The following MYO16 variants were observed in gnomAD, a reference collection of about 807,000 sequenced individuals.
MYO16 encodes unconventional myosin-XVI.
A neutral mutation model predicts 205.3 loss-of-function variants in MYO16; 94 were observed. The ratio of observed to expected loss-of-function variants is 0.46; its 90% CI spans 0.39 to 0.54. The LOEUF (loss-of-function observed/expected upper bound fraction) is 0.54, where lower values mean the gene tolerates loss of function less well. Among genes scored for constraint, MYO16 ranks in the 20% least tolerant of loss-of-function variants. The pLI is 0.00. For synonymous variants in MYO16, 988 were observed against 954.0 expected, an observed-to-expected ratio of 1.04 and a Z score of -0.66; for missense variants, 2,315 against 2,387.5, an observed-to-expected ratio of 0.97 and a Z score of 0.63.
At chr13:108,541,442 C>A in the MYO16 span, among the ~76,000 whole-genome samples, 1 of 151,010 alleles carries the variant, frequency 6.6e-6, no homozygotes, top group Non-Finnish European at 1.5e-5. Flanking sequence ...TCACAATATT[C>A]TATAAGAAAT....
intron 1 of MYO16, among the ~76,000 whole-genome samples, chr13:108,623,766 G>A (rs1879626159): frequency 6.6e-6 from 1 of 152,086 alleles, no homozygotes; most frequent in Non-Finnish European, 1.5e-5. Context: ...GACTTCATAG[G>A]AAATAGGAAA....
chr13:108,809,218 C>G (rs964976920), intron 7 of MYO16, among the ~76,000 whole-genome samples: 2 of 152,152 alleles, frequency 1.3e-5, no homozygotes. Flanking sequence ...AAACACTTCC[C>G]AACTACTTCA....
chr13:108,513,163 G>T, the MYO16 span, among the ~76,000 whole-genome samples: 1 of 107,076 alleles, frequency 9.3e-6, no homozygotes, highest in Admixed American at 9.2e-5. Context: ...CCTGTTATTG[G>T]TCTATTCAGA....
intron 1 of MYO16, among the ~76,000 whole-genome samples, chr13:108,654,069 A>C (rs1240279383): frequency 6.6e-6 from 1 of 151,908 alleles, no homozygotes; most frequent in African/African-American, 2.4e-5. Flanking sequence ...ATCCTTGTGT[A>C]GGTCTCTCAG....
chr13:109,144,386 T>C (rs1462435630), intron 32 of MYO16, among the ~76,000 whole-genome samples: 1 of 152,184 alleles, frequency 6.6e-6, no homozygotes, highest in Admixed American at 6.5e-5. Context: ...TTCTCATGGA[T>C]AGTTCAGGCC....
intron 20 of MYO16, among the ~76,000 whole-genome samples, chr13:108,991,374 A>G (rs1477761293): frequency 1.3e-5 from 2 of 152,208 alleles, no homozygotes; most frequent in Non-Finnish European, 2.9e-5. Flanking sequence ...TTCACATTGA[A>G]AAAAAAGATT....
At chr13:109,059,468 G>T (rs1278335172) in intron 27 of MYO16, among the ~76,000 whole-genome samples, 2 of 152,162 alleles carry the variant, frequency 1.3e-5, no homozygotes, top group African/African-American at 4.8e-5. Context: ...TTTCTGAGCA[G>T]TAGTTCTCAA....
chr13:108,714,625 G>T (rs9520979), intron 3 of MYO16, among the ~76,000 whole-genome samples: 1,869 of 135,294 alleles, frequency 0.014, 27 homozygotes, highest in African/African-American at 0.041. Flanking sequence ...TATATATAGA[G>T]AGAGAGAGAT....
chr13:108,809,792 G>A (rs1408867360), intron 7 of MYO16, among the ~76,000 whole-genome samples: 1 of 152,140 alleles, frequency 6.6e-6, no homozygotes, highest in Non-Finnish European at 1.5e-5. Flanking sequence ...GGCCTCCATG[G>A]CCTTCTCACT....
chr13:108,877,200 C>T (rs7335900), intron 12 of MYO16, among the ~76,000 whole-genome samples: 6 of 152,050 alleles, frequency 3.9e-5, no homozygotes, highest in Non-Finnish European at 8.8e-5. Flanking sequence ...TCTTTTTGCT[C>T]ATGTTTGAGA....
the MYO16 span, among the ~76,000 whole-genome samples, chr13:108,529,938 A>C: frequency 5.9e-5 from 9 of 152,178 alleles, no homozygotes; most frequent in African/African-American, 2.2e-4. Context: ...TGATTGAAGA[A>C]TATTTATTTG....
chr13:108,900,962 G>A (rs1416515074), intron 15 of MYO16, among the ~76,000 whole-genome samples: 2 of 152,128 alleles, frequency 1.3e-5, no homozygotes, highest in African/African-American at 4.8e-5. Context: ...CTCTGAAATG[G>A]CCGCTTTGGG....
At chr13:108,664,665 A>G (rs1258009315) in intron 1 of MYO16, among the ~76,000 whole-genome samples, 2 of 152,224 alleles carry the variant, frequency 1.3e-5, no homozygotes, top group Non-Finnish European at 2.9e-5. Context: ...GAGACCTGAT[A>G]TCATAAATAG....
chr13:108,854,712 G>A (rs1308205243), intron 10 of MYO16, among the ~76,000 whole-genome samples: 1 of 151,898 alleles, frequency 6.6e-6, no homozygotes, highest in African/African-American at 2.4e-5. Context: ...ACTTTTCTGA[G>A]CATGTTCTGG....
intron 1 of MYO16, among the ~76,000 whole-genome samples, chr13:108,635,369 T>C (rs929179912): frequency 1.3e-5 from 2 of 152,248 alleles, no homozygotes; most frequent in Admixed American, 1.3e-4. Flanking sequence ...TTTTAACTAG[T>C]CAAATTTCTT....
intron 2 of MYO16, among the ~76,000 whole-genome samples, chr13:108,706,122 C>A (rs984413758): frequency 6.6e-6 from 1 of 152,074 alleles, no homozygotes; most frequent in Non-Finnish European, 1.5e-5. Context: ...CGTAATAACT[C>A]CAACCAACAT....
intron 1 of MYO16, among the ~76,000 whole-genome samples, chr13:108,615,127 T>C (rs1879305304): frequency 6.6e-6 from 1 of 151,824 alleles, no homozygotes; most frequent in Non-Finnish European, 1.5e-5. Context: ...GACAACCCAA[T>C]AATAAAGGGT....
chr13:109,065,550 A>T, intron 27 of MYO16: 1 of 466,632 alleles, frequency 2.1e-6, no homozygotes, highest in Non-Finnish European at 4.1e-6. Context: ...GAAAAAGAAA[A>T]TTTAAAAAAC....
chr13:108,995,693 C>T (rs1035258255), intron 21 of MYO16, among the ~76,000 whole-genome samples: 2 of 152,158 alleles, frequency 1.3e-5, no homozygotes, highest in East Asian at 1.9e-4. Flanking sequence ...TGCGGTGTTT[C>T]GTTTTTTGTC....
Sources: allele counts gnomAD v4.1 joint callset (sites outside exome capture counted in the v4.1 genomes callset), GRCh38; gene constraint gnomAD v4.1.1; transcripts MANE v1.5; gene names NCBI Gene and HGNC (gene_info 2026-07-23, HGNC 2026-07-21).